The following PSMB2 variants were observed in gnomAD, a reference collection of about 807,000 sequenced individuals.
PSMB2 encodes proteasome subunit beta type-2.
Under a neutral mutation model 25.7 loss-of-function variants are expected in PSMB2, and 13 were observed. The observed-to-expected ratio is 0.51, with a 90% CI of 0.33 to 0.80. The LOEUF (loss-of-function observed/expected upper bound fraction) is 0.80. PSMB2 is among the 30% of genes least tolerant of loss of function. The pLI, the probability that PSMB2 is intolerant of heterozygous loss-of-function variation, is 0.02. For missense variants in PSMB2, 202 were observed against 259.0 expected (o/e 0.78, Z 1.51); for synonymous variants, 87 against 96.2 (o/e 0.90, Z 0.56).
At chr1:35,633,358 T>C (rs1221471893) in intron 2 of PSMB2, among the ~76,000 whole-genome samples, 4 of 152,208 alleles carry the variant, frequency 2.6e-5, no homozygotes, top group African/African-American at 4.8e-5. Context: ...TATCTGCATA[T>C]AGATTTTCTC....
intron 3 of PSMB2, among the ~76,000 whole-genome samples, 159 bp from the exon 4 acceptor site, chr1:35,609,567 C>A (rs975533384): frequency 6.6e-6 from 1 of 152,120 alleles, no homozygotes; most frequent in Non-Finnish European, 1.5e-5. Flanking sequence ...TCTAGAGGAC[C>A]TGGAGTATGG....
At chr1:35,614,986 TA>T (rs1650451976) in intron 3 of PSMB2, among the ~76,000 whole-genome samples, 1 of 152,198 alleles carries the variant, frequency 6.6e-6, no homozygotes, top group African/African-American at 2.4e-5. Flanking sequence ...ATAAGGATAA[TA>T]AAAGTACCCA....
intron 1 of PSMB2, among the ~76,000 whole-genome samples, chr1:35,639,572 A>G (rs972240634): frequency 1.3e-5 from 2 of 151,944 alleles, no homozygotes; most frequent in African/African-American, 4.9e-5. Context: ...GGACTCTTCT[A>G]TGGGTTATAA....
intron 3 of PSMB2, among the ~76,000 whole-genome samples, chr1:35,620,402 C>T (rs1650644964): frequency 6.6e-6 from 1 of 152,166 alleles, no homozygotes; most frequent in African/African-American, 2.4e-5. Flanking sequence ...TCCCCAAATG[C>T]TCCATCAAAG....
intron 3 of PSMB2, among the ~76,000 whole-genome samples, chr1:35,613,633 T>C (rs1171817372): frequency 1.3e-5 from 2 of 152,234 alleles, no homozygotes; most frequent in African/African-American, 4.8e-5. Context: ...CTATTGTTGC[T>C]TTTTGCTAGG....
chr1:35,622,737 AC>A (rs151109015), intron 3 of PSMB2, among the ~76,000 whole-genome samples: 2,239 of 151,772 alleles, frequency 0.015, 51 homozygotes, highest in African/African-American at 0.051. Context: ...CTGGAGAGAG[AC>A]AGGGAAGGGG....
rs1249534270 is a variant in PSMB2 at position 35,605,316 on chromosome 1, T to C, written c.449-34A>G. 3.8e-6 allele frequency: 6 copies of C among 1,598,150 alleles called. No homozygotes were observed. The South Asian group carries it at 4.4e-5, about 12-fold the overall frequency. ...GAACACAGAGACCAAATACTTCCGG[T>C]GCTGTCATTATATCCAACTCTCAGA... On this transcript the variant is annotated intron_variant, in intron 4 of 5. Transcript: ENST00000373237.
intron 3 of PSMB2, among the ~76,000 whole-genome samples, chr1:35,617,737 G>A (rs1301178766): frequency 2.0e-5 from 3 of 152,218 alleles, no homozygotes; most frequent in South Asian, 2.1e-4. Context: ...GGATACTGGT[G>A]AACATGGGAC....
intron 3 of PSMB2, among the ~76,000 whole-genome samples, chr1:35,614,394 A>G (rs918483970): frequency 6.6e-6 from 1 of 152,232 alleles, no homozygotes; most frequent in African/African-American, 2.4e-5. Flanking sequence ...AATCTCTTAC[A>G]AAGTAATCCT....
At position 35,602,013 on chromosome 1, in the gene PSMB2, G is replaced by A. The variant is rs1650016231; in HGVS notation, c.*1254C>T. On this transcript the variant is annotated 3_prime_UTR_variant, in exon 6 of 6. Transcript: ENST00000373237. Reference sequence around the variant, plus strand: ...AAAACAATCTCTAATATAGTGTTAAGTGAAATAAGCAATATGCAGAACTTA... The same window carrying A: ...AAAACAATCTCTAATATAGTGTTAAATGAAATAAGCAATATGCAGAACTTA... The A allele has an allele frequency of 1.3e-6, 1 of 793,412 alleles. No individual in the cohort carries two copies. The highest frequency in any genetic ancestry group is 1.9e-5 in the African/African-American group (1 of 53,142). The allele number at this position is 793,412 out of a possible 1,614,324, so 49.1% of individuals were successfully genotyped here.
rs1553123057 is a variant in PSMB2, at chr1:35,602,464, G to GA, written c.*802dup. 1 of 152,264 alleles carries GA rather than the reference G, an allele frequency of 6.6e-6. No individual in the cohort carries two copies. Among genetic ancestry groups the GA allele is most frequent in the Non-Finnish European group, 1.5e-5 (1 of 68,056 alleles). The allele number at this position is 152,264 out of a possible 1,614,324, so 9.4% of individuals were successfully genotyped here. On this transcript the variant is annotated 3_prime_UTR_variant, in exon 6 of 6. Transcript: ENST00000373237. The stretch of plus-strand genomic sequence containing the variant: ...AAGTTTCCTCCAGGAAGGGAAGCAG[G>GA]AAGCAGATGACTGGATTATAGGGAT...
intron 3 of PSMB2, 133 bp from the exon 4 acceptor site, chr1:35,609,541 TA>T (rs1650271277): frequency 1.2e-6 from 1 of 867,752 alleles, no homozygotes; most frequent in African/African-American, 1.7e-5. Flanking sequence ...ACAATGAAAG[TA>T]AAAATGTAGG....
At chr1:35,626,282 T>C (rs1008387491) in intron 3 of PSMB2, among the ~76,000 whole-genome samples, 3 of 152,240 alleles carry the variant, frequency 2.0e-5, no homozygotes, top group East Asian at 1.9e-4. Context: ...CATCTGTCTT[T>C]TTTCGTCTTC....
At chr1:35,609,924 G>A (rs748635555) in intron 3 of PSMB2, among the ~76,000 whole-genome samples, 45 of 152,074 alleles carry the variant, frequency 3.0e-4, no homozygotes, top group Non-Finnish European at 4.1e-4. Context: ...TACGATGAAC[G>A]CACAAAAATT....
In PSMB2 at chr1:35,601,002, T is replaced by G. The variant is rs1217456655; in HGVS notation, c.*2265A>C. 2 of 984,750 alleles carry G rather than the reference T, an allele frequency of 2.0e-6. No individual in the cohort carries two copies. Among genetic ancestry groups the G allele is most frequent in the Admixed American group, 1.2e-4 (2 of 16,182 alleles). 61.0% of individuals were successfully genotyped at this position (984,750 alleles called of 1,614,324 possible). ...ATGGGAAAATCATGTAGCAGGATAG[T>G]CTGTGCTTTAGTAGCAGCACTCCAC... On this transcript the variant is annotated 3_prime_UTR_variant, in exon 6 of 6. Coordinates refer to ENST00000373237, the MANE Select transcript of PSMB2 (RefSeq NM_002794.5).
intron 3 of PSMB2, among the ~76,000 whole-genome samples, chr1:35,613,482 G>A (rs186373774): frequency 5.3e-5 from 8 of 152,158 alleles, no homozygotes; most frequent in African/African-American, 1.9e-4. Context: ...CTGTACTACA[G>A]ACTGACTAGC....
At position 35,599,685 on chromosome 1, in the gene PSMB2, T is replaced by C; in HGVS notation, c.*3582A>G. The stretch of plus-strand genomic sequence containing the variant: ...AAGCCATGGAAAACCACCAGAAAGT[T>C]TTAAGGGCAGAGAGGAATGGATGGT... On this transcript the variant is annotated 3_prime_UTR_variant, in exon 6 of 6. Coordinates refer to ENST00000373237, the MANE Select transcript of PSMB2 (RefSeq NM_002794.5). 3 of 985,182 alleles carry C rather than the reference T, an allele frequency of 3.0e-6. No homozygotes were observed. The highest frequency in any genetic ancestry group is 3.6e-6 in the Non-Finnish European group (3 of 829,764). The allele number at this position is 985,182 out of a possible 1,614,324, so 61.0% of individuals were successfully genotyped here.
intron 2 of PSMB2, among the ~76,000 whole-genome samples, chr1:35,634,306 T>C (rs556916538): frequency 1.3e-5 from 2 of 152,358 alleles, no homozygotes; most frequent in East Asian, 1.9e-4. Flanking sequence ...CCAGAGAAGA[T>C]AAATGACTTA....
In PSMB2 at chr1:35,632,190, C is replaced by T. The variant is rs540933252; in HGVS notation, c.215-846G>A. Among the ~76,000 whole-genome samples the T allele has an allele frequency of 5.3e-5, 8 of 152,298 alleles. No individual in the cohort carries two copies. In the South Asian group the frequency reaches 1.2e-3, roughly 24 times the overall value. ...GAAAAAGAACATTTCCATCATTCTG[C>T]AGTATTTTTAAAAATAGAGTATCTC... On this transcript the variant is annotated intron_variant, in intron 2 of 5. Coordinates refer to ENST00000373237, the MANE Select transcript of PSMB2 (RefSeq NM_002794.5).
Sources: gnomAD v4.1 joint callset for allele counts (sites outside exome capture counted in the v4.1 genomes callset) on GRCh38, gnomAD v4.1.1 for gene constraint, MANE v1.5 for transcripts, NCBI Gene and HGNC (gene_info 2026-07-23, HGNC 2026-07-21) for gene names.